SLC44A5: variants seen among roughly 807,000 people sequenced by gnomAD.
SLC44A5 encodes the protein solute carrier family 44 member 5, also known as choline transporter-like protein 5.
A neutral mutation model predicts 101.8 loss-of-function variants in SLC44A5; 57 were observed. The ratio of observed to expected loss-of-function variants is 0.56; its 90% CI spans 0.45 to 0.70. SLC44A5 has a LOEUF of 0.70. SLC44A5 is among the 30% of genes least tolerant of loss of function. The probability of loss-of-function intolerance (pLI) is 0.00; values close to 1 mark genes in which losing one functional copy is unlikely to be tolerated. For missense variants in SLC44A5, 737 were observed against 853.1 expected (o/e 0.86, Z 1.70); for synonymous variants, 281 against 290.9 (o/e 0.97, Z 0.35).
chr1:75,444,833 T>C (rs1665456884), intron 2 of SLC44A5, among the ~76,000 whole-genome samples: 2 of 152,138 alleles, frequency 1.3e-5, no homozygotes, highest in South Asian at 4.2e-4. Flanking sequence ...GATGGGAAGA[T>C]CATGAAGTAC....
At chr1:75,215,390 A>T (rs1646939963) in intron 19 of SLC44A5, among the ~76,000 whole-genome samples, 1 of 152,162 alleles carries the variant, frequency 6.6e-6, no homozygotes, top group South Asian at 2.1e-4. Context: ...AAAATTATGT[A>T]AATTCCAGAA....
chr1:75,704,499 T>A, the SLC44A5 span, among the ~76,000 whole-genome samples: 1 of 152,202 alleles, frequency 6.6e-6, no homozygotes, highest in African/African-American at 2.4e-5. Flanking sequence ...TTTGGGTTTC[T>A]TTATTCAAAG....
the SLC44A5 span, among the ~76,000 whole-genome samples, chr1:75,681,242 C>A: frequency 0.016 from 2,392 of 152,296 alleles, 71 homozygotes; most frequent in African/African-American, 0.053. Flanking sequence ...AGGTAATCCT[C>A]CCTAACTCAG....
At chr1:75,448,132 G>T (rs1405594757) in intron 2 of SLC44A5, among the ~76,000 whole-genome samples, 1 of 152,100 alleles carries the variant, frequency 6.6e-6, no homozygotes, top group Non-Finnish European at 1.5e-5. Flanking sequence ...AAACAATTTG[G>T]CTAAGTTGCT....
In SLC44A5 at chr1:75,593,520, A is replaced by C. The variant is rs188736309; in HGVS notation, c.-70+17520T>G. On this transcript the variant is annotated intron_variant, in intron 1 of 23. Transcript: ENST00000370859. ...AAAAGAAAGGAAATCAGTATATCAA[A>C]GAGATATATGCACTCTTATGTTTGT... is the stretch of plus-strand genomic sequence containing the variant. Among the ~76,000 whole-genome samples the C allele has an allele frequency of 3.1e-3, 474 of 152,272 alleles. 5 individuals carry two copies. The highest frequency in any genetic ancestry group is 9.6e-3 in the Admixed American group (147 of 15,288).
chr1:75,666,963 A>C, the SLC44A5 span, among the ~76,000 whole-genome samples: 1 of 152,222 alleles, frequency 6.6e-6, no homozygotes, highest in Non-Finnish European at 1.5e-5. Flanking sequence ...ATTTATGACA[A>C]ACCCACAGCC....
chr1:75,260,053 A>G (rs1032210254), intron 6 of SLC44A5, among the ~76,000 whole-genome samples: 13 of 152,174 alleles, frequency 8.5e-5, no homozygotes, highest in Non-Finnish European at 4.4e-5. Flanking sequence ...AGGAACAACC[A>G]GTACCAGCCA....
At chr1:75,688,776 C>T in the SLC44A5 span, among the ~76,000 whole-genome samples, 1 of 152,160 alleles carries the variant, frequency 6.6e-6, no homozygotes, top group Non-Finnish European at 1.5e-5. Flanking sequence ...AGAAGCCAGG[C>T]AAGGACTCCA....
At chr1:75,511,336 C>A (rs1263200066) in intron 2 of SLC44A5, among the ~76,000 whole-genome samples, 1 of 152,014 alleles carries the variant, frequency 6.6e-6, no homozygotes, top group African/African-American at 2.4e-5. Context: ...TTTTAAATGT[C>A]AAACATGTTT....
chr1:75,518,548 G>A (rs1669955989), intron 2 of SLC44A5, among the ~76,000 whole-genome samples: 1 of 151,986 alleles, frequency 6.6e-6, no homozygotes, highest in Non-Finnish European at 1.5e-5. Context: ...ATGTTGCTAA[G>A]CAAATTAATG....
At chr1:75,647,981 G>T in the SLC44A5 span, among the ~76,000 whole-genome samples, 22 of 152,282 alleles carry the variant, frequency 1.4e-4, no homozygotes, top group South Asian at 6.2e-4. Context: ...TTTGAAACGT[G>T]AGAAAGACAA....
chr1:75,241,099 G>A (rs981078705), intron 9 of SLC44A5, among the ~76,000 whole-genome samples: 1 of 151,624 alleles, frequency 6.6e-6, no homozygotes, highest in African/African-American at 2.4e-5. Context: ...TTGGATAGTA[G>A]AGTATTTCTT....
intron 1 of SLC44A5, among the ~76,000 whole-genome samples, chr1:75,596,315 C>CA (rs996151755): frequency 6.6e-6 from 1 of 151,186 alleles, no homozygotes; most frequent in Non-Finnish European, 1.5e-5. Context: ...GCCTACCAAC[C>CA]AAAAAAAAGT....
chr1:75,590,250 G>A (rs1411970204), intron 1 of SLC44A5, among the ~76,000 whole-genome samples: 2 of 151,978 alleles, frequency 1.3e-5, no homozygotes, highest in African/African-American at 4.8e-5. Flanking sequence ...AGCAGGATAG[G>A]TCAGCATCAT....
chr1:75,209,736 T>C (rs1312586324), intron 23 of SLC44A5, among the ~76,000 whole-genome samples: 2 of 152,194 alleles, frequency 1.3e-5, no homozygotes, highest in African/African-American at 4.8e-5. Flanking sequence ...TTATCGTCTC[T>C]CTTGATCCCA....
At chr1:75,435,798 A>G (rs1664856769) in intron 2 of SLC44A5, among the ~76,000 whole-genome samples, 1 of 152,134 alleles carries the variant, frequency 6.6e-6, no homozygotes, top group Non-Finnish European at 1.5e-5. Flanking sequence ...ATTCTTTCAA[A>G]GACATCTTTA....
the SLC44A5 span, among the ~76,000 whole-genome samples, chr1:75,669,044 A>C: frequency 6.6e-6 from 1 of 151,574 alleles, no homozygotes; most frequent in Non-Finnish European, 1.5e-5. Context: ...AAGAGGAAGC[A>C]GACCAATAGA....
At chr1:75,477,108 T>C (rs907940962) in intron 2 of SLC44A5, among the ~76,000 whole-genome samples, 1 of 152,214 alleles carries the variant, frequency 6.6e-6, no homozygotes, top group Non-Finnish European at 1.5e-5. Flanking sequence ...AAATCTGCTG[T>C]TCTGCAGCCA....
chr1:75,295,411 G>A (rs1455079543), intron 5 of SLC44A5, among the ~76,000 whole-genome samples: 2 of 152,156 alleles, frequency 1.3e-5, no homozygotes, highest in Admixed American at 1.3e-4. Flanking sequence ...AGAGAAGGAA[G>A]AGATAAGACC....
Sources: gnomAD v4.1 joint callset for allele counts (sites outside exome capture counted in the v4.1 genomes callset) on GRCh38, gnomAD v4.1.1 for gene constraint, MANE v1.5 for transcripts, NCBI Gene and HGNC (gene_info 2026-07-23, HGNC 2026-07-21) for gene names.